Variants in LRRC4C observed in about 807,000 individuals in gnomAD.
LRRC4C encodes the protein leucine rich repeat containing 4C, also known as leucine-rich repeat-containing protein 4C.
LRRC4C carries 5 observed loss-of-function variants against 33.6 expected under a neutral mutation model. That is an observed-to-expected ratio of 0.15 (90% confidence interval 0.08 to 0.31). The LOEUF (loss-of-function observed/expected upper bound fraction) is 0.31. Ranked by LOEUF, LRRC4C falls within the 10% of genes least tolerant of loss-of-function variation. LRRC4C has a pLI of 1.00. For synonymous variants in LRRC4C, 329 were observed against 302.0 expected (o/e 1.09, Z -0.93); for missense variants, 560 against 796.7 (o/e 0.70, Z 3.58).
chr11:41,008,442 T>A, intron 1 of LRRC4C, among the ~76,000 whole-genome samples: 1 of 152,142 alleles, frequency 6.6e-6, no homozygotes, highest in East Asian at 1.9e-4. Context: ...AGATTGATAC[T>A]AAAGAGAGCT....
intron 3 of LRRC4C, among the ~76,000 whole-genome samples, chr11:40,641,472 G>A (rs556212003): frequency 2.0e-5 from 3 of 151,968 alleles, no homozygotes; most frequent in African/African-American, 7.2e-5. Flanking sequence ...GCAAGCCAAC[G>A]GAATAAAGAT....
intron 6 of LRRC4C, among the ~76,000 whole-genome samples, chr11:40,126,038 C>T (rs1291050313): frequency 1.3e-5 from 2 of 151,690 alleles, no homozygotes; most frequent in East Asian, 1.9e-4. Flanking sequence ...AATGGAAATG[C>T]TACAACATTT....
At chr11:40,832,887 TG>T (rs543553453) in intron 2 of LRRC4C, among the ~76,000 whole-genome samples, 230 of 152,246 alleles carry the variant, frequency 1.5e-3, no homozygotes, top group African/African-American at 5.1e-3. Flanking sequence ...CGAGTTCATT[TG>T]TAGTAAGCAT....
chr11:40,884,251 T>C (rs893469669), intron 2 of LRRC4C, among the ~76,000 whole-genome samples: 1 of 152,136 alleles, frequency 6.6e-6, no homozygotes, highest in African/African-American at 2.4e-5. Flanking sequence ...TCTCATCCTT[T>C]TTTATGGACG....
At chr11:41,384,984 C>A (rs1419538494) in intron 1 of LRRC4C, among the ~76,000 whole-genome samples, 1 of 150,042 alleles carries the variant, frequency 6.7e-6, no homozygotes, top group African/African-American at 2.4e-5. Flanking sequence ...TAAAGAAAAA[C>A]ATATCTCAAG....
chr11:40,320,827 T>C (rs1233226446), intron 3 of LRRC4C, among the ~76,000 whole-genome samples: 1 of 152,212 alleles, frequency 6.6e-6, no homozygotes, highest in Non-Finnish European at 1.5e-5. Context: ...GAAGATTTTG[T>C]GGAAGCAAAA....
chr11:40,594,854 AAAG>A (rs1250266202), intron 3 of LRRC4C, among the ~76,000 whole-genome samples: 1 of 152,178 alleles, frequency 6.6e-6, no homozygotes, highest in African/African-American at 2.4e-5. Context: ...AAGTAAACAA[AAAG>A]AAGAAAATGT....
rs549913024 is a variant in LRRC4C at position 40,793,388 on chromosome 11, T to A, written c.-407+140247A>T. 2.0e-5 allele frequency among the ~76,000 whole-genome samples: 3 copies of A among 152,278 alleles called. No homozygotes were observed. In the East Asian group the frequency reaches 5.8e-4, roughly 29 times the overall value. ...AAAATAAACTTCCTGGTATAAAAAG[T>A]AGTTTTTTAGGCAATTGGAAGACAA... On this transcript the variant is annotated intron_variant, in intron 2 of 6. Transcript: ENST00000528697.
intron 3 of LRRC4C, among the ~76,000 whole-genome samples, chr11:40,443,562 C>T (rs1951490238): frequency 6.6e-6 from 1 of 152,086 alleles, no homozygotes; most frequent in South Asian, 2.1e-4. Flanking sequence ...AGCATTTTTC[C>T]TCAGTGACCC....
intron 1 of LRRC4C, among the ~76,000 whole-genome samples, chr11:41,453,737 C>G (rs1022119965): frequency 2.0e-5 from 3 of 151,896 alleles, no homozygotes; most frequent in African/African-American, 7.3e-5. Flanking sequence ...GTGCCTGGCA[C>G]ATAGAATACC....
rs139409927 is a variant in LRRC4C at position 41,203,386 on chromosome 11, G to A, written c.-496+256045C>T. ...GTAACAAGAATTCAAATACTGGACC[G>A]TTTTAAATGTAGAATTATAATTATA... On this transcript the variant is annotated intron_variant, in intron 1 of 6. Coordinates refer to ENST00000528697, the MANE Select transcript of LRRC4C (RefSeq NM_001258419.2). 1.1e-4 allele frequency among the ~76,000 whole-genome samples: 16 copies of A among 152,268 alleles called. 1 individual carries two copies. The East Asian group carries it at 1.7e-3, about 17-fold the overall frequency.
chr11:40,760,541 G>A (rs558367250), intron 2 of LRRC4C, among the ~76,000 whole-genome samples: 1 of 151,776 alleles, frequency 6.6e-6, no homozygotes. Flanking sequence ...GTATAGAAGT[G>A]TATTTTAAGG....
At chr11:40,903,438 G>C (rs1021019210) in intron 2 of LRRC4C, among the ~76,000 whole-genome samples, 1 of 152,206 alleles carries the variant, frequency 6.6e-6, no homozygotes. Context: ...ACCCATAGAT[G>C]AAGGAATACT....
intron 5 of LRRC4C, among the ~76,000 whole-genome samples, chr11:40,239,513 A>G (rs1865791057): frequency 1.3e-5 from 2 of 152,234 alleles, no homozygotes; most frequent in East Asian, 3.8e-4. Flanking sequence ...TATGTGAAGG[A>G]AAAAGATAGT....
intron 3 of LRRC4C, among the ~76,000 whole-genome samples, chr11:40,617,432 G>A (rs1009881783): frequency 6.6e-6 from 1 of 151,542 alleles, no homozygotes; most frequent in Non-Finnish European, 1.5e-5. Context: ...AATCAACATT[G>A]CTTCTAGCTG....
At chr11:40,749,439 T>C (rs1948579646) in intron 2 of LRRC4C, among the ~76,000 whole-genome samples, 1 of 120,864 alleles carries the variant, frequency 8.3e-6, no homozygotes, top group African/African-American at 3.2e-5. Flanking sequence ...AAACACAATA[T>C]ACCAAAACCT....
intron 3 of LRRC4C, among the ~76,000 whole-genome samples, chr11:40,376,721 ATGTG>A (rs61662311): frequency 7.0e-4 from 103 of 147,844 alleles, no homozygotes; most frequent in African/African-American, 2.1e-3. Context: ...GTGTGTGCTT[ATGTG>A]TGTGTGTGTG....
At chr11:40,507,471 A>G (rs569444926) in intron 3 of LRRC4C, among the ~76,000 whole-genome samples, 4 of 152,272 alleles carry the variant, frequency 2.6e-5, no homozygotes, top group Non-Finnish European at 4.4e-5. Context: ...ACTAATAAAT[A>G]CATTCATTGT....
chr11:40,141,461 A>C (rs929768853), intron 5 of LRRC4C, among the ~76,000 whole-genome samples: 4 of 152,204 alleles, frequency 2.6e-5, no homozygotes, highest in African/African-American at 9.7e-5. Context: ...AGAGATCCTA[A>C]GAGAGAGAGC....
Sources: allele counts gnomAD v4.1 joint callset (sites outside exome capture counted in the v4.1 genomes callset), GRCh38; gene constraint gnomAD v4.1.1; transcripts MANE v1.5; gene names NCBI Gene and HGNC (gene_info 2026-07-23, HGNC 2026-07-21).